SYN2: variants seen among roughly 807,000 people sequenced by gnomAD.
The protein encoded by SYN2 is synapsin II.
Under a neutral mutation model 50.9 loss-of-function variants are expected in SYN2, and 19 were observed. The ratio of observed to expected loss-of-function variants is 0.37; its 90% CI spans 0.26 to 0.55. The LOEUF is 0.55. SYN2 is among the 20% of genes least tolerant of loss of function. The probability of loss-of-function intolerance (pLI) is 0.81; values close to 1 mark genes in which losing one functional copy is unlikely to be tolerated. For missense variants in SYN2, 587 were observed against 576.4 expected (o/e 1.02, Z -0.19); for synonymous variants, 255 against 224.9 (o/e 1.13, Z -1.20).
rs571971188 is a variant in SYN2 at position 12,045,732 on chromosome 3, T to G, written c.377+40804T>G. On this transcript the variant is annotated intron_variant, in intron 1 of 12. Coordinates refer to ENST00000621198, the MANE Select transcript of SYN2 (RefSeq NM_133625.6). ...ACCTCAGTGCTCATGGCGAACTGAT[T>G]TGTGTGCCCTGTGGAGTGGGAGTAC... Among the ~76,000 whole-genome samples the G allele has an allele frequency of 2.7e-3, 407 of 152,264 alleles. 1 individual carries two copies. Among genetic ancestry groups the G allele is most frequent in the African/African-American group, 8.8e-3 (366 of 41,560 alleles).
At chr3:12,141,594 C>T (rs1227886697) in intron 2 of SYN2, among the ~76,000 whole-genome samples, 1 of 152,196 alleles carries the variant, frequency 6.6e-6, no homozygotes, top group Non-Finnish European at 1.5e-5. Flanking sequence ...TGTAGAGAGG[C>T]AGCACAAAGG....
intron 1 of SYN2, among the ~76,000 whole-genome samples, chr3:12,098,504 G>T (rs753292871): frequency 6.6e-6 from 1 of 151,966 alleles, no homozygotes; most frequent in Non-Finnish European, 1.5e-5. Flanking sequence ...AAACAAGTTT[G>T]TTACAAATTA....
intron 5 of SYN2, chr3:12,159,047 T>A: frequency 1.6e-6 from 1 of 630,556 alleles, no homozygotes; most frequent in Non-Finnish European, 2.5e-6. Context: ...GCATACTCAG[T>A]AAGATGCAGA....
rs568343559 is a variant in SYN2 at position 12,183,578 on chromosome 3, A to G, written c.1369+206A>G. The G allele has an allele frequency of 2.1e-5, 31 of 1,493,316 alleles. No homozygotes were observed. In the East Asian group the frequency reaches 4.7e-4, roughly 23 times the overall value. 92.5% of individuals were successfully genotyped at this position (1,493,316 alleles called of 1,614,324 possible). On this transcript the variant is annotated intron_variant, in intron 11 of 12. Transcript: ENST00000621198. ...ATGCTGACTGGACTGTGTTTTTCCT[A>G]TGCAGTGTCAGCTCCTCTGTCTGGT...
intron 1 of SYN2, among the ~76,000 whole-genome samples, chr3:12,132,199 T>G (rs1696811272): frequency 6.6e-6 from 1 of 152,058 alleles, no homozygotes; most frequent in African/African-American, 2.4e-5. Flanking sequence ...TTCAGATATC[T>G]AGCTGTGTTC....
chr3:12,042,978 C>T (rs1694650922), intron 1 of SYN2, among the ~76,000 whole-genome samples: 1 of 151,968 alleles, frequency 6.6e-6, no homozygotes, highest in African/African-American at 2.4e-5. Context: ...GCTTCTAAAA[C>T]CGTGAGAATA....
chr3:12,054,233 C>T (rs1026318353), intron 1 of SYN2, among the ~76,000 whole-genome samples: 2 of 152,144 alleles, frequency 1.3e-5, no homozygotes, highest in South Asian at 2.1e-4. Context: ...GTTGATTCCC[C>T]CTTATGTTCT....
intron 1 of SYN2, among the ~76,000 whole-genome samples, chr3:12,107,013 TTG>T (rs34550312): frequency 0.86 from 128,459 of 150,158 alleles, 54,976 homozygotes; most frequent in African/African-American, 0.91. Context: ...GTCTGTATGT[TTG>T]TGTGTGTGTG....
intron 12 of SYN2, among the ~76,000 whole-genome samples, 189 bp from the exon 13 acceptor site, chr3:12,190,301 A>G (rs1376005761): frequency 1.3e-5 from 2 of 152,048 alleles, no homozygotes; most frequent in African/African-American, 4.8e-5. Flanking sequence ...TAGTAGCACC[A>G]AAGTTGAGGA....
intron 10 of SYN2, among the ~76,000 whole-genome samples, chr3:12,179,374 G>A (rs188680852): frequency 9.3e-3 from 861 of 92,382 alleles, no homozygotes; most frequent in Non-Finnish European, 0.011. Context: ...AGAACTGAAA[G>A]AAAAAAAAAA....
intron 1 of SYN2, among the ~76,000 whole-genome samples, chr3:12,066,884 C>A (rs143876678): frequency 9.9e-4 from 150 of 152,236 alleles, no homozygotes; most frequent in African/African-American, 3.4e-3. Flanking sequence ...AGAAGGGTAT[C>A]ACTTCTCGGC....
chr3:12,057,477 G>C (rs894231126), intron 1 of SYN2, among the ~76,000 whole-genome samples: 4 of 152,080 alleles, frequency 2.6e-5, no homozygotes, highest in African/African-American at 9.7e-5. Flanking sequence ...GCTACAGGAA[G>C]GGATTTTATT....
chr3:12,157,555 G>A lies in SYN2; in HGVS notation c.775-3991G>A, dbSNP rs1697495100. The A allele has an allele frequency of 5.4e-6, 8 of 1,475,514 alleles. No homozygotes were observed. The Admixed American group carries it at 1.4e-4, about 25-fold the overall frequency. The allele number at this position is 1,475,514 out of a possible 1,614,324, so 91.4% of individuals were successfully genotyped here. A position where few individuals can be genotyped will look rare whatever the true frequency, so the allele number is the denominator to read the frequency against. On this transcript the variant is annotated intron_variant, in intron 5 of 12. Coordinates refer to ENST00000621198, the MANE Select transcript of SYN2 (RefSeq NM_133625.6). Reference sequence around the variant, plus strand: ...ATACACCTGAGGTCTGGATGATCCAGGGTCCATGAAGAAGTCTATAGGGCA... The same window carrying A: ...ATACACCTGAGGTCTGGATGATCCAAGGTCCATGAAGAAGTCTATAGGGCA...
At chr3:12,183,236 A>T (rs983374177) in intron 10 of SYN2, 76 bp from the exon 11 acceptor site, 7 of 1,531,266 alleles carry the variant, frequency 4.6e-6, no homozygotes, top group Middle Eastern at 1.7e-4. Flanking sequence ...CGGCCTTGCC[A>T]TGGAGCCACG....
At chr3:12,157,018 G>T in intron 5 of SYN2, 1 of 970,914 alleles carries the variant, frequency 1.0e-6, no homozygotes, top group Non-Finnish European at 1.6e-6. Context: ...TCACTTCTCA[G>T]CCTAAAAATG....
At chr3:12,125,060 G>C (rs1467592804) in intron 1 of SYN2, among the ~76,000 whole-genome samples, 1 of 151,804 alleles carries the variant, frequency 6.6e-6, no homozygotes, top group Non-Finnish European at 1.5e-5. Context: ...TGTCGCCCAG[G>C]CTGGAGTGCA....
chr3:12,157,060 C>A (rs73015375), intron 5 of SYN2: 6 of 677,362 alleles, frequency 8.9e-6, no homozygotes, highest in Non-Finnish European at 1.0e-5. Flanking sequence ...ATTTTGTGTC[C>A]TCAGATGTCC....
chr3:12,145,356 G>A (rs1370215703), intron 3 of SYN2, among the ~76,000 whole-genome samples: 1 of 152,188 alleles, frequency 6.6e-6, no homozygotes, highest in East Asian at 1.9e-4. Context: ...GGGCAACAAA[G>A]TAAGACCCTG....
At chr3:12,015,912 CTT>C (rs1694020722) in intron 1 of SYN2, among the ~76,000 whole-genome samples, 1 of 152,180 alleles carries the variant, frequency 6.6e-6, no homozygotes, top group African/African-American at 2.4e-5. Flanking sequence ...ATATATACCT[CTT>C]ATCTCTTTCT....
Sources: allele counts gnomAD v4.1 joint callset (sites outside exome capture counted in the v4.1 genomes callset), GRCh38; gene constraint gnomAD v4.1.1; transcripts MANE v1.5; gene names NCBI Gene and HGNC (gene_info 2026-07-23, HGNC 2026-07-21).